The following CD36 variants were observed in gnomAD, a reference collection of about 807,000 sequenced individuals.
CD36 encodes the protein platelet glycoprotein 4.
In CD36, 119 loss-of-function variants were observed where a neutral mutation model predicts 55.2. The ratio of observed to expected loss-of-function variants is 2.15; its 90% confidence interval spans 1.86 to 2.51. The LOEUF (loss-of-function observed/expected upper bound fraction) is 2.51. CD36 is among the 30% of genes most tolerant of loss of function. CD36 has a pLI of 0.00. For missense variants in CD36, 819 were observed against 555.5 expected (o/e 1.47, Z -4.77); for synonymous variants, 186 against 193.6 (o/e 0.96, Z 0.33).
chr7:80,617,756 GA>G (rs2115858311), intron 1 of CD36, among the ~76,000 whole-genome samples: 1 of 150,824 alleles, frequency 6.6e-6, no homozygotes, highest in South Asian at 2.1e-4. Flanking sequence ...ATTGTTGTGA[GA>G]AAAACAAGCT....
upstream of CD36, among the ~76,000 whole-genome samples, chr7:80,636,546 A>AG (rs1794418343): frequency 6.6e-6 from 1 of 151,744 alleles, no homozygotes; most frequent in East Asian, 1.9e-4. Flanking sequence ...AAAAAAAAAA[A>AG]AAGAATTTCC....
chr7:80,641,604 T>C (rs937376940), intron 1 of CD36, among the ~76,000 whole-genome samples: 1 of 151,980 alleles, frequency 6.6e-6, no homozygotes, highest in Non-Finnish European at 1.5e-5. Context: ...AGTAAGAAAA[T>C]GTCATTTAGG....
chr7:80,672,614 ATATAAC>A (rs1797803017), intron 11 of CD36, among the ~76,000 whole-genome samples, 150 bp from the exon 12 acceptor site: 1 of 151,920 alleles, frequency 6.6e-6, no homozygotes, highest in African/African-American at 2.4e-5. Flanking sequence ...ATGCATGTGT[ATATAAC>A]TATAACTATA....
At chr7:80,666,878 T>C (rs1226025775) in intron 8 of CD36, among the ~76,000 whole-genome samples, 2 of 151,996 alleles carry the variant, frequency 1.3e-5, no homozygotes, top group Non-Finnish European at 2.9e-5. Flanking sequence ...AATTACAAAA[T>C]AGAAAACATA....
At chr7:80,661,565 G>T (rs1796532756) in intron 5 of CD36, among the ~76,000 whole-genome samples, 1 of 152,098 alleles carries the variant, frequency 6.6e-6, no homozygotes, top group Admixed American at 6.6e-5. Flanking sequence ...ATAATAAAAG[G>T]TTTCCAAACG....
intron 1 of CD36, among the ~76,000 whole-genome samples, chr7:80,643,100 C>T (rs920155251): frequency 2.6e-5 from 4 of 152,078 alleles, no homozygotes; most frequent in Admixed American, 2.6e-4. Context: ...GCCATTGGAG[C>T]GCATGCACTA....
chr7:80,669,100 G>A (rs1398083365), intron 8 of CD36, among the ~76,000 whole-genome samples: 3 of 152,150 alleles, frequency 2.0e-5, no homozygotes, highest in Non-Finnish European at 2.9e-5. Flanking sequence ...ATGTGGACAT[G>A]GCAGGAGATC....
intron 3 of CD36, 49 bp from the exon 4 acceptor site, chr7:80,656,491 C>G (rs779217352): frequency 6.4e-7 from 1 of 1,556,196 alleles, no homozygotes; most frequent in African/African-American, 1.4e-5. Flanking sequence ...TCCAGAAGTG[C>G]CTGTACTTAC....
chr7:80,607,752 T>C (rs1008915364), intron 1 of CD36, among the ~76,000 whole-genome samples: 4 of 152,140 alleles, frequency 2.6e-5, no homozygotes, highest in African/African-American at 9.7e-5. Context: ...GCTGAAAGTA[T>C]CTAAACTCTT....
chr7:80,626,736 A>T (rs1396870816), intron 1 of CD36, among the ~76,000 whole-genome samples: 1 of 152,062 alleles, frequency 6.6e-6, no homozygotes. Flanking sequence ...CTTGAAAAGT[A>T]CATTTTTGCA....
chr7:80,639,040 A>T (rs1794629682), intron 1 of CD36, among the ~76,000 whole-genome samples: 5 of 152,148 alleles, frequency 3.3e-5, no homozygotes, highest in Admixed American at 2.6e-4. Context: ...GATTATTATA[A>T]AACTTTCATT....
chr7:80,602,301 T>C (rs906663160), exon 1 of CD36: 1 of 152,174 alleles, frequency 6.6e-6, no homozygotes, highest in Non-Finnish European at 1.5e-5. Context: ...TCCTGTTTAC[T>C]TTCTGCATCT....
chr7:80,624,335 C>T (rs1331670488), intron 1 of CD36: 1 of 152,084 alleles, frequency 6.6e-6, no homozygotes, highest in African/African-American at 2.4e-5. Flanking sequence ...GCATTTCTCT[C>T]TCTTCTCTCA....
At chr7:80,672,886 T>C (rs200537471) in intron 12 of CD36, 43 bp downstream of exon 12, 3 of 1,225,932 alleles carry the variant, frequency 2.4e-6, no homozygotes, top group East Asian at 4.7e-5. Context: ...ATCTGTAGTA[T>C]CGTAGTATCT....
chr7:80,615,044 C>G (rs1343629151), intron 1 of CD36, among the ~76,000 whole-genome samples: 1 of 152,038 alleles, frequency 6.6e-6, no homozygotes, highest in East Asian at 1.9e-4. Context: ...GCTTGCTTTC[C>G]AGTTTTACAG....
intron 12 of CD36, 22 bp from the exon 13 acceptor site, chr7:80,673,333 T>C: frequency 8.9e-7 from 1 of 1,122,316 alleles, no homozygotes; most frequent in South Asian, 1.4e-5. Context: ...ATGTTCATAA[T>C]TATTTTCAAC....
At position 80,663,138 on chromosome 7, in the gene CD36, C is replaced by G; in HGVS notation, c.578C>G (p.Pro193Arg). 2 of 1,613,602 alleles carry G rather than the reference C, an allele frequency of 1.2e-6. No homozygotes were observed. Among genetic ancestry groups the G allele is most frequent in the Admixed American group, 1.7e-5 (1 of 60,010 alleles). Residue 193 changes from proline (P) to arginine (R), a missense_variant, in exon 6 of 15, where the codon CCT becomes CGT. Pro to Arg is a moderately radical substitution (Grantham distance 103, BLOSUM62 -2). Coordinates refer to ENST00000447544, the MANE Select transcript of CD36 (RefSeq NM_001001548.3). ...RDPFLSLVPY[P>R]VTTTVGLFYP... ...CCATTTTTGAGTTTGGTTCCGTACC[C>G]TGTTACTACCACAGTTGGTCTGTTT...
intron 1 of CD36, among the ~76,000 whole-genome samples, chr7:80,607,579 G>A (rs915693244): frequency 1.3e-5 from 2 of 151,938 alleles, no homozygotes; most frequent in African/African-American, 2.4e-5. Flanking sequence ...AGATTTTCTA[G>A]GTTCCCATTC....
chr7:80,605,192 T>C (rs1041811412), intron 1 of CD36, among the ~76,000 whole-genome samples: 18 of 152,188 alleles, frequency 1.2e-4, no homozygotes, highest in African/African-American at 3.9e-4. Flanking sequence ...GAATACATGA[T>C]GGAGTTGCTA....
Sources: gnomAD v4.1 joint callset for allele counts (sites outside exome capture counted in the v4.1 genomes callset) on GRCh38, gnomAD v4.1.1 for gene constraint, MANE v1.5 for transcripts, NCBI Gene and HGNC (gene_info 2026-07-23, HGNC 2026-07-21) for gene names.